The following DPYD variants were observed in gnomAD, a reference collection of about 807,000 sequenced individuals.
The protein encoded by DPYD is dihydropyrimidine dehydrogenase [NADP(+)].
In DPYD, 109 loss-of-function variants were observed where a neutral mutation model predicts 116.2. The ratio of observed to expected loss-of-function variants is 0.94; its 90% CI spans 0.80 to 1.10. The LOEUF is 1.10. DPYD is among the 50% of genes least tolerant of loss of function. The probability of loss-of-function intolerance (pLI) is 0.00; values close to 1 mark genes in which losing one functional copy is unlikely to be tolerated. For missense variants in DPYD, 1,302 were observed against 1,254.5 expected, an observed-to-expected ratio of 1.04 and a Z score of -0.57; for synonymous variants, 440 against 432.0, an observed-to-expected ratio of 1.02 and a Z score of -0.23.
intron 3 of DPYD, among the ~76,000 whole-genome samples, chr1:97,825,842 G>T (rs1425509167): frequency 1.3e-5 from 2 of 152,048 alleles, no homozygotes; most frequent in Non-Finnish European, 2.9e-5. Flanking sequence ...GACTAACAGA[G>T]AAGCTACCAT....
chr1:97,733,249 C>T (rs1391367472), intron 4 of DPYD, among the ~76,000 whole-genome samples: 1 of 151,952 alleles, frequency 6.6e-6, no homozygotes, highest in Non-Finnish European at 1.5e-5. Context: ...AACCTCTCAG[C>T]TTTACTTTAT....
intron 3 of DPYD, among the ~76,000 whole-genome samples, chr1:97,805,585 G>T (rs1668041719): frequency 6.6e-6 from 1 of 151,730 alleles, no homozygotes; most frequent in African/African-American, 2.4e-5. Flanking sequence ...GCATAATGTA[G>T]TAAGTCACAG....
chr1:97,909,161 C>T (rs1490545982), intron 1 of DPYD, among the ~76,000 whole-genome samples: 2 of 152,064 alleles, frequency 1.3e-5, no homozygotes, highest in Non-Finnish European at 2.9e-5. Context: ...AGCCTGTTTT[C>T]CTCTCACCCT....
Position 97,906,580 on chromosome 1 carries a change from C to T in DPYD, c.39+14304G>A, listed in dbSNP as rs530374827. Among the ~76,000 whole-genome samples the T allele has an allele frequency of 1.3e-3, 205 of 152,154 alleles. 1 individual carries two copies. Among genetic ancestry groups the T allele is most frequent in the Non-Finnish European group, 2.5e-3 (173 of 67,978 alleles). ...ATGTTTTGTTGGTAACTTAAGCTTTCGAAAAATGTATACAGGAGTCCACCC... is the reference window on the plus strand; with the variant it reads ...ATGTTTTGTTGGTAACTTAAGCTTTTGAAAAATGTATACAGGAGTCCACCC... On this transcript the variant is annotated intron_variant, in intron 1 of 22. Transcript: ENST00000370192.
At chr1:97,336,195 A>G (rs1026267154) in intron 16 of DPYD, among the ~76,000 whole-genome samples, 1 of 152,212 alleles carries the variant, frequency 6.6e-6, no homozygotes, top group Non-Finnish European at 1.5e-5. Flanking sequence ...ACATTTGAGC[A>G]AGTAAGCCTT....
At chr1:97,323,329 T>C (rs985431028) in intron 16 of DPYD, among the ~76,000 whole-genome samples, 1 of 127,928 alleles carries the variant, frequency 7.8e-6, no homozygotes, top group African/African-American at 2.9e-5. Flanking sequence ...TATGTGTATA[T>C]GTACACGTAT....
intron 8 of DPYD, among the ~76,000 whole-genome samples, chr1:97,651,080 A>G (rs1248277319): frequency 6.6e-6 from 1 of 152,150 alleles, no homozygotes; most frequent in Admixed American, 6.6e-5. Flanking sequence ...CTCTTTGGGC[A>G]CCGTTATTTT....
At chr1:97,682,564 T>A (rs924468633) in intron 7 of DPYD, among the ~76,000 whole-genome samples, 2 of 152,148 alleles carry the variant, frequency 1.3e-5, no homozygotes, top group Non-Finnish European at 2.9e-5. Context: ...GCTTACATTA[T>A]GCTTTGGGAA....
At chr1:97,537,535 A>AATAAC (rs10674615) in intron 12 of DPYD, among the ~76,000 whole-genome samples, 59,469 of 151,626 alleles carry the variant, frequency 0.39, 12,243 homozygotes, top group African/African-American at 0.53. Context: ...CAACCCAAAA[A>AATAAC]AGAATGTAAA....
At chr1:97,104,429 TTTATATAGAAAGGATA>T (rs1650985260) in intron 20 of DPYD, among the ~76,000 whole-genome samples, 1 of 152,102 alleles carries the variant, frequency 6.6e-6, no homozygotes, top group Non-Finnish European at 1.5e-5. Flanking sequence ...ACACTTGAAA[TTTATATAGAAAGGATA>T]GTGTGTGACC....
At chr1:97,824,641 A>T (rs1393501613) in intron 3 of DPYD, among the ~76,000 whole-genome samples, 1 of 152,168 alleles carries the variant, frequency 6.6e-6, no homozygotes, top group Admixed American at 6.6e-5. Context: ...AGATGTCTCT[A>T]AGAGCCACAG....
At chr1:97,546,104 A>G in intron 12 of DPYD, 1 of 1,432,190 alleles carries the variant, frequency 7.0e-7, no homozygotes. Context: ...TTAAGTTGAC[A>G]AGGCAAACAA....
chr1:97,848,654 C>T (rs1670425816), intron 2 of DPYD, among the ~76,000 whole-genome samples: 1 of 152,110 alleles, frequency 6.6e-6, no homozygotes, highest in East Asian at 1.9e-4. Context: ...TGAATCAGTG[C>T]TATTGCATCA....
chr1:97,098,113 G>A (rs1036939693), intron 21 of DPYD, among the ~76,000 whole-genome samples: 7 of 152,064 alleles, frequency 4.6e-5, no homozygotes, highest in Non-Finnish European at 8.8e-5. Context: ...TGATATTGAT[G>A]TGCTTATTGA....
intron 19 of DPYD, among the ~76,000 whole-genome samples, chr1:97,225,442 T>G (rs1036908957): frequency 6.6e-6 from 1 of 152,108 alleles, no homozygotes; most frequent in Non-Finnish European, 1.5e-5. Flanking sequence ...TTTACTCGGG[T>G]TCTTTATTCA....
In DPYD at chr1:97,359,456, G is replaced by T. The variant is rs142642971; in HGVS notation, c.2058+14105C>A. Among the ~76,000 whole-genome samples the T allele has an allele frequency of 6.0e-3, 909 of 152,182 alleles. 9 individuals are homozygous for T. Among genetic ancestry groups the T allele is most frequent in the Non-Finnish European group, 8.7e-3 (591 of 68,020 alleles). On this transcript the variant is annotated intron_variant, in intron 16 of 22. Coordinates refer to ENST00000370192, the MANE Select transcript of DPYD (RefSeq NM_000110.4). Reference sequence around the variant, plus strand: ...AACATTCAAATTCAGGAAATAGAGAGAACACTACAAAGATACTCCTTGAGA... The same window carrying T: ...AACATTCAAATTCAGGAAATAGAGATAACACTACAAAGATACTCCTTGAGA...
chr1:97,678,246 G>T (rs1015540024), intron 8 of DPYD, among the ~76,000 whole-genome samples: 1 of 152,126 alleles, frequency 6.6e-6, no homozygotes, highest in Non-Finnish European at 1.5e-5. Context: ...AATGCCATTA[G>T]ATTCTAATCT....
chr1:97,828,137 T>G lies in DPYD; in HGVS notation c.210A>C (p.Arg70=), dbSNP rs1270328637. The G allele has an allele frequency of 6.2e-7, 1 of 1,613,754 alleles. No individual in the cohort carries two copies. Among genetic ancestry groups the G allele is most frequent in the Admixed American group, 1.7e-5 (1 of 59,990 alleles). The change falls in exon 3 of 23, where the codon CGA becomes CGC. Residue 70 remains arginine, a synonymous_variant. Transcript: ENST00000370192. ...ACCTCATTGCTTCTCGGAGAGCTCC[T>G]CGCTCACCAAGAGTCGTGTGCTTGA... The part of the protein sequence containing the change: ...DDIKHTTLGE[R]GALREAMRCL...
chr1:97,723,998 A>G (rs900260249), intron 4 of DPYD, among the ~76,000 whole-genome samples: 1 of 151,696 alleles, frequency 6.6e-6, no homozygotes, highest in Non-Finnish European at 1.5e-5. Flanking sequence ...AGGTTGGTTT[A>G]TATCAAAATA....
Sources: gnomAD v4.1 joint callset for allele counts (sites outside exome capture counted in the v4.1 genomes callset) on GRCh38, gnomAD v4.1.1 for gene constraint, MANE v1.5 for transcripts, NCBI Gene and HGNC (gene_info 2026-07-23, HGNC 2026-07-21) for gene names.